CD247: variants seen among roughly 807,000 people sequenced by gnomAD.
The protein encoded by CD247 is CD247 molecule.
In CD247, 13 loss-of-function variants were observed where a neutral mutation model predicts 30.0. The observed-to-expected ratio is 0.43, with a 90% CI of 0.28 to 0.69. CD247 has a LOEUF of 0.69. Ranked by LOEUF, CD247 falls within the 30% of genes least tolerant of loss-of-function variation. CD247 has a pLI of 0.16. For missense variants in CD247, 193 were observed against 212.6 expected, an observed-to-expected ratio of 0.91 and a Z score of 0.57; for synonymous variants, 72 against 80.0, an observed-to-expected ratio of 0.90 and a Z score of 0.53.
chr1:167,433,131 G>A (rs985073093), intron 6 of CD247, 72 bp from the exon 7 acceptor site: 15 of 1,505,146 alleles, frequency 1.0e-5, no homozygotes, highest in African/African-American at 2.7e-5. Context: ...TCTGCTCAAG[G>A]GCCCCTCCCA....
At chr1:167,443,254 C>A (rs538584752) in intron 1 of CD247, among the ~76,000 whole-genome samples, 1 of 152,354 alleles carries the variant, frequency 6.6e-6, no homozygotes, top group South Asian at 2.1e-4. Context: ...CTTCCTCCAG[C>A]CCCAGCATCA....
intron 1 of CD247, among the ~76,000 whole-genome samples, chr1:167,496,220 G>T (rs1283496311): frequency 2.0e-5 from 3 of 152,230 alleles, no homozygotes; most frequent in Admixed American, 1.3e-4. Context: ...AGGAAGGAAG[G>T]TAGGTAGGTA....
chr1:167,456,038 G>A (rs537249969), intron 1 of CD247, among the ~76,000 whole-genome samples: 43 of 151,380 alleles, frequency 2.8e-4, no homozygotes, highest in African/African-American at 9.4e-4. Flanking sequence ...TCAGATAGCA[G>A]GGAGGAAGCG....
chr1:167,450,292 T>TA lies in CD247; in HGVS notation c.59-9526dup, dbSNP rs369781419. Among the ~76,000 whole-genome samples the TA allele has an allele frequency of 1.8e-3, 275 of 152,204 alleles. 1 individual carries two copies. The highest frequency in any genetic ancestry group is 0.01 in the East Asian group (53 of 5,166). On this transcript the variant is annotated intron_variant, in intron 1 of 7. Coordinates refer to ENST00000362089, the MANE Select transcript of CD247 (RefSeq NM_198053.3). ...AGCAGGACTGCTTGAGCCCAGGAGT[T>TA]AGAGACCAGCCTGGGCAACATGGCA... is the stretch of plus-strand genomic sequence containing the variant.
intron 4 of CD247, among the ~76,000 whole-genome samples, chr1:167,437,667 A>G (rs1177241351): frequency 3.3e-5 from 5 of 152,188 alleles, no homozygotes; most frequent in Non-Finnish European, 2.9e-5. Flanking sequence ...AAACAGTTTA[A>G]CTCACTGAAG....
At chr1:167,447,526 T>C (rs576365809) in intron 1 of CD247, among the ~76,000 whole-genome samples, 1 of 152,214 alleles carries the variant, frequency 6.6e-6, no homozygotes, top group African/African-American at 2.4e-5. Context: ...TCCTCCAATT[T>C]CTATAGGGCA....
chr1:167,487,762 T>C (rs570106165), intron 1 of CD247, among the ~76,000 whole-genome samples: 1 of 152,370 alleles, frequency 6.6e-6, no homozygotes, highest in African/African-American at 2.4e-5. Context: ...AGGGTCTCAC[T>C]GTGTTGTCCA....
intron 5 of CD247, chr1:167,434,957 CCTTCCTCCGG>C (rs1651464851): frequency 2.4e-6 from 1 of 414,588 alleles, no homozygotes; most frequent in African/African-American, 2.5e-5. Flanking sequence ...CTCCTCCAGC[CCTTCCTCCGG>C]AGCCCTCCTC....
chr1:167,488,818 C>T (rs139173726), intron 1 of CD247, among the ~76,000 whole-genome samples: 6 of 152,290 alleles, frequency 3.9e-5, no homozygotes, highest in African/African-American at 1.2e-4. Context: ...CATGTGCGTG[C>T]GTGTTTTTAT....
rs1654577112 is a variant in CD247 at position 167,494,102 on chromosome 1, C to T, written c.58+24306G>A. On this transcript the variant is annotated intron_variant, in intron 1 of 7. Transcript: ENST00000362089. The surrounding 1 kb of genome is among the most constrained non-coding windows in gnomAD (Gnocchi z 7.3). ...TTGGGGCTATGATCTGGACTGGGTACCCAGAGCTAATAGGAGAAGAGGACA... is the reference window on the plus strand; with the variant it reads ...TTGGGGCTATGATCTGGACTGGGTATCCAGAGCTAATAGGAGAAGAGGACA... Among the ~76,000 whole-genome samples, 1 of 151,896 alleles carries T rather than the reference C, an allele frequency of 6.6e-6. No homozygotes were observed. Among genetic ancestry groups the T allele is most frequent in the African/African-American group, 2.4e-5 (1 of 41,374 alleles).
intron 1 of CD247, among the ~76,000 whole-genome samples, chr1:167,474,938 AGACAG>A (rs1653684513): frequency 6.6e-6 from 1 of 151,526 alleles, no homozygotes; most frequent in Non-Finnish European, 1.5e-5. Context: ...TTTATAGTAG[AGACAG>A]GTTTCACCAA....
At chr1:167,483,028 G>C (rs552453240) in intron 1 of CD247, among the ~76,000 whole-genome samples, 1 of 103,896 alleles carries the variant, frequency 9.6e-6, no homozygotes. Flanking sequence ...TTTTTTTTGA[G>C]ACTGAGTTTC....
At chr1:167,488,063 T>C (rs1049948196) in intron 1 of CD247, among the ~76,000 whole-genome samples, 1 of 152,156 alleles carries the variant, frequency 6.6e-6, no homozygotes, top group Non-Finnish European at 1.5e-5. Flanking sequence ...TCTAGCTGTG[T>C]TCCCCTGAGG....
At chr1:167,517,007 T>C (rs36022366) in intron 1 of CD247, among the ~76,000 whole-genome samples, 8,551 of 152,192 alleles carry the variant, frequency 0.056, 813 homozygotes, top group African/African-American at 0.2. Context: ...AGCCTGAAGC[T>C]CAGAGGCTGG....
chr1:167,461,674 C>T (rs759367719), intron 1 of CD247, among the ~76,000 whole-genome samples: 17 of 152,048 alleles, frequency 1.1e-4, no homozygotes, highest in Non-Finnish European at 2.2e-4. Context: ...ATGGTGAAAC[C>T]CCATCTTTAC....
intron 1 of CD247, among the ~76,000 whole-genome samples, chr1:167,442,664 G>A (rs911832845): frequency 2.6e-5 from 4 of 152,074 alleles, no homozygotes; most frequent in African/African-American, 4.8e-5. Context: ...TGCCAGCAAC[G>A]TTTTGGCCTC....
intron 1 of CD247, among the ~76,000 whole-genome samples, chr1:167,495,055 T>C (rs951889351): frequency 6.6e-6 from 1 of 152,212 alleles, no homozygotes; most frequent in Non-Finnish European, 1.5e-5. Context: ...GGTGGCTGCC[T>C]GGAAGATACC....
intron 1 of CD247, among the ~76,000 whole-genome samples, chr1:167,484,012 C>T (rs1417549218): frequency 2.0e-5 from 3 of 152,342 alleles, no homozygotes; most frequent in East Asian, 1.9e-4. Flanking sequence ...GCTCTGCCAC[C>T]GCTGGTGCCG....
In CD247 at chr1:167,444,320, A is replaced by G. The variant is rs181552781; in HGVS notation, c.59-3553T>C. The stretch of plus-strand genomic sequence containing the variant: ...GCCAGCTCAAAGGCACCGCATCGCC[A>G]CTCTCTACTTGGTCCTGGCTTCTTC... On this transcript the variant is annotated intron_variant, in intron 1 of 7. Coordinates refer to ENST00000362089, the MANE Select transcript of CD247 (RefSeq NM_198053.3). Among the ~76,000 whole-genome samples the G allele has an allele frequency of 2.1e-3, 312 of 152,004 alleles. 2 individuals are homozygous for G. Among genetic ancestry groups the G allele is most frequent in the African/African-American group, 6.6e-3 (275 of 41,438 alleles).
Sources: allele counts gnomAD v4.1 joint callset (sites outside exome capture counted in the v4.1 genomes callset), GRCh38; gene constraint gnomAD v4.1.1; non-coding constraint Gnocchi (gnomAD v3.1); transcripts MANE v1.5; gene names NCBI Gene and HGNC (gene_info 2026-07-23, HGNC 2026-07-21).